Variants in PHF8 observed in about 807,000 individuals in gnomAD.
PHF8 encodes histone lysine demethylase PHF8.
In PHF8, 9 loss-of-function variants were observed where a neutral mutation model predicts 74.4. The observed-to-expected ratio is 0.12, with a 90% CI of 0.07 to 0.21. The LOEUF is 0.21. PHF8 is among the 10% of genes least tolerant of loss of function. The pLI, the probability that PHF8 is intolerant of heterozygous loss-of-function variation, is 1.00. For synonymous variants in PHF8, 311 were observed against 316.6 expected (o/e 0.98, Z 0.19); for missense variants, 478 against 816.6 (o/e 0.59, Z 5.05).
At chrX:53,968,844 G>C (rs1051547232) in intron 18 of PHF8, among the ~76,000 whole-genome samples, 2 of 111,778 alleles carry the variant, frequency 1.8e-5, no homozygotes, top group Non-Finnish European at 3.8e-5. Flanking sequence ...AGGAGGCGGA[G>C]GTTGCAGTGA....
At chrX:54,002,762 AC>A in intron 8 of PHF8, 80 bp from the exon 9 acceptor site, 1 of 649,478 alleles carries the variant, frequency 1.5e-6, no homozygotes, top group Non-Finnish European at 2.5e-6. Context: ...CTCATCTCAA[AC>A]CCAACTCCTT....
upstream of PHF8, among the ~76,000 whole-genome samples, chrX:54,047,542 C>T (rs1445352214): frequency 9.0e-6 from 1 of 111,515 alleles, no homozygotes; most frequent in Non-Finnish European, 1.9e-5. Flanking sequence ...AGTCTACTGG[C>T]GGAAACAGTC....
intron 10 of PHF8, among the ~76,000 whole-genome samples, chrX:54,001,778 T>TG (rs1270297396): frequency 9.1e-6 from 1 of 109,923 alleles, no homozygotes; most frequent in Non-Finnish European, 1.9e-5. Context: ...TATCCAGGTG[T>TG]GGGGGCCCAT....
At chrX:54,036,575 A>AC in intron 2 of PHF8, among the ~76,000 whole-genome samples, 1 of 99,761 alleles carries the variant, frequency 1.0e-5, no homozygotes, top group African/African-American at 3.8e-5. Context: ...CTGTCTCAAA[A>AC]AAAAAAAAAA....
chrX:54,048,092 G>A (rs782686269), upstream of PHF8, among the ~76,000 whole-genome samples: 10 of 110,429 alleles, frequency 9.1e-5, no homozygotes, highest in Non-Finnish European at 1.7e-4. Context: ...AGGAGGCTGA[G>A]GCAGGAGAAT....
chrX:54,006,308 C>G (rs782510107), intron 8 of PHF8, among the ~76,000 whole-genome samples: 1 of 110,313 alleles, frequency 9.1e-6, no homozygotes, highest in African/African-American at 3.3e-5. Context: ...ATGGCAAAAC[C>G]CCATCTCCAC....
chrX:54,005,122 T>C (rs2065878388), intron 8 of PHF8, among the ~76,000 whole-genome samples: 1 of 110,487 alleles, frequency 9.1e-6, no homozygotes, highest in Admixed American at 9.7e-5. Context: ...AAAACATTCA[T>C]GTAATCAGAG....
At position 53,937,733 on chromosome X, in the gene PHF8, T is replaced by G; in HGVS notation, c.*1425A>C. 1 of 349,786 alleles carries G rather than the reference T, an allele frequency of 2.9e-6. No individual in the cohort carries two copies. Among genetic ancestry groups the G allele is most frequent in the Non-Finnish European group, 5.0e-6 (1 of 199,616 alleles). 28.8% of individuals were successfully genotyped at this position (349,786 alleles called of 1,213,427 possible). On this transcript the variant is annotated 3_prime_UTR_variant, in exon 22 of 22. Transcript: ENST00000338154. ...CCTCACAAATTCCCTGTGGCCTGCA[T>G]GGTAGCTATTAAATTCCCCAGAAGC...
At chrX:53,954,275 G>A (rs1040046693) in intron 19 of PHF8, among the ~76,000 whole-genome samples, 3 of 110,318 alleles carry the variant, frequency 2.7e-5, no homozygotes, top group Non-Finnish European at 5.7e-5. Flanking sequence ...CAAGGTAGGC[G>A]GATCACAAGG....
At chrX:53,961,489 G>A (rs951702956) in intron 19 of PHF8, among the ~76,000 whole-genome samples, 1 of 110,495 alleles carries the variant, frequency 9.1e-6, no homozygotes, top group East Asian at 2.8e-4. Flanking sequence ...CACCATTCCC[G>A]GCTGATTTTC....
intron 2 of PHF8, among the ~76,000 whole-genome samples, chrX:54,034,482 C>A (rs1440106556): frequency 9.0e-6 from 1 of 111,378 alleles, no homozygotes; most frequent in African/African-American, 3.3e-5. Context: ...TCAAGATATT[C>A]TCAGATTAAG....
chrX:54,025,556 T>C (rs992961992), intron 2 of PHF8, among the ~76,000 whole-genome samples: 2 of 111,594 alleles, frequency 1.8e-5, no homozygotes, highest in Non-Finnish European at 3.8e-5. Context: ...TCCCGAGTCC[T>C]GACAACATCC....
intron 18 of PHF8, among the ~76,000 whole-genome samples, chrX:53,974,245 G>A (rs1225586140): frequency 9.1e-6 from 1 of 110,090 alleles, no homozygotes; most frequent in African/African-American, 3.3e-5. Flanking sequence ...CAGCCTGGGC[G>A]ACAGAGCGAG....
Position 53,973,520 on chromosome X carries a change from C to T in PHF8, c.2444-10581G>A, listed in dbSNP as rs138826135. On this transcript the variant is annotated intron_variant, in intron 18 of 21. Transcript: ENST00000338154. ...TACACACATCTAATCTTCGACAAACCTGACAAAAACAAGCAATAGAGAAAG... is the reference window on the plus strand; with the variant it reads ...TACACACATCTAATCTTCGACAAACTTGACAAAAACAAGCAATAGAGAAAG... Among the ~76,000 whole-genome samples the T allele has an allele frequency of 4.5e-3, 500 of 111,084 alleles. 4 individuals carry two copies. The highest frequency in any genetic ancestry group is 0.016 in the African/African-American group (480 of 30,485).
chrX:53,956,671 T>C (rs781851605), intron 19 of PHF8, among the ~76,000 whole-genome samples: 20 of 100,167 alleles, frequency 2.0e-4, no homozygotes, highest in African/African-American at 7.6e-4. Flanking sequence ...GTATAAAATA[T>C]GTGCGTGTGT....
intron 18 of PHF8, among the ~76,000 whole-genome samples, chrX:53,980,659 G>A (rs979144355): frequency 8.9e-6 from 1 of 112,165 alleles, no homozygotes; most frequent in African/African-American, 3.2e-5. Context: ...ACTAATAACA[G>A]TATAATAAGG....
At chrX:53,976,729 GA>G (rs1164621912) in intron 18 of PHF8, among the ~76,000 whole-genome samples, 25 of 101,400 alleles carry the variant, frequency 2.5e-4, no homozygotes, top group Admixed American at 2.1e-3. Context: ...AATGGCAAAG[GA>G]AAAAAAAAAG....
intron 5 of PHF8, among the ~76,000 whole-genome samples, chrX:54,017,414 C>CT (rs1311472401): frequency 1.8e-5 from 2 of 112,220 alleles, no homozygotes; most frequent in Non-Finnish European, 3.8e-5. Flanking sequence ...CGCCACTGTA[C>CT]TCCAGCCTGG....
intron 19 of PHF8, among the ~76,000 whole-genome samples, chrX:53,958,604 A>AC (rs1286751581): frequency 1.6e-4 from 17 of 103,810 alleles, no homozygotes; most frequent in African/African-American, 4.2e-4. Flanking sequence ...ACACGGTGAA[A>AC]CCCCATCTCT....
Sources: allele counts gnomAD v4.1 joint callset (sites outside exome capture counted in the v4.1 genomes callset), GRCh38; gene constraint gnomAD v4.1.1; transcripts MANE v1.5; gene names NCBI Gene and HGNC (gene_info 2026-07-23, HGNC 2026-07-21).